The following SENP6 variants were observed in gnomAD, a reference collection of about 807,000 sequenced individuals.
SENP6 encodes sentrin-specific protease 6.
In SENP6, 41 loss-of-function variants were observed where a neutral mutation model predicts 134.5. The observed-to-expected ratio is 0.30, with a 90% confidence interval of 0.24 to 0.40. The LOEUF is 0.40. Among genes scored for constraint, SENP6 ranks in the 10% least tolerant of loss-of-function variants. The probability of loss-of-function intolerance (pLI) is 1.00; values close to 1 mark genes in which losing one functional copy is unlikely to be tolerated. For missense variants in SENP6, 1,248 were observed against 1,312.5 expected (o/e 0.95, Z 0.76); for synonymous variants, 395 against 429.8 (o/e 0.92, Z 1.00).
At chr6:75,609,691 A>C (rs1767297774) in intron 1 of SENP6, among the ~76,000 whole-genome samples, 1 of 152,260 alleles carries the variant, frequency 6.6e-6, no homozygotes, top group Admixed American at 6.5e-5. Context: ...AAGAAAGACA[A>C]AACAAAATGG....
chr6:75,638,680 C>G (rs1437359689), intron 5 of SENP6, among the ~76,000 whole-genome samples: 1 of 119,666 alleles, frequency 8.4e-6, no homozygotes, highest in African/African-American at 3.2e-5. Context: ...ACTCCCTTGG[C>G]TTATTGGGAA....
chr6:75,677,111 A>G lies in SENP6; in HGVS notation c.1703A>G (p.Asn568Ser), dbSNP rs1320613680. Residue 568 changes from asparagine to serine, a missense_variant, in exon 14 of 24, where the codon AAT (asparagine) becomes AGT (serine). Asn to Ser is a conservative substitution (Grantham distance 46). Around this residue, in one of 3 missense-constraint regions of SENP6, gnomAD observed 733 missense variants for 725.4 expected, o/e 1.01. Coordinates refer to ENST00000447266, the MANE Select transcript of SENP6 (RefSeq NM_015571.4). ...PANMVFESII[N>S]EIGIKNNISN... ...AATATGGTATTTGAAAGTATCATTAATGAAATTGGTATAAAGAATAACATC... is the reference window on the plus strand; with the variant it reads ...AATATGGTATTTGAAAGTATCATTAGTGAAATTGGTATAAAGAATAACATC... The G allele has an allele frequency of 1.2e-6, 2 of 1,609,434 alleles. No individual in the cohort carries two copies. The highest frequency in any genetic ancestry group is 2.7e-5 in the African/African-American group (2 of 74,848).
intron 1 of SENP6, among the ~76,000 whole-genome samples, chr6:75,614,269 T>C (rs531883803): frequency 6.6e-6 from 1 of 151,478 alleles, no homozygotes; most frequent in Non-Finnish European, 1.5e-5. Flanking sequence ...TCTTTTTTTT[T>C]TTTTTTTTTT....
At chr6:75,625,866 C>T (rs1323521136) in intron 3 of SENP6, among the ~76,000 whole-genome samples, 1 of 152,078 alleles carries the variant, frequency 6.6e-6, no homozygotes, top group African/African-American at 2.4e-5. Context: ...GAGACTCAGT[C>T]TCCAAACAAA....
At chr6:75,705,925 C>CTTTTTTTTTTTTTTT (rs71544062) in intron 19 of SENP6, among the ~76,000 whole-genome samples, 2 of 47,942 alleles carry the variant, frequency 4.2e-5, no homozygotes, top group Non-Finnish European at 7.0e-5. Flanking sequence ...ATTTTTGAGC[C>CTTTTTTTTTTTTTTT]TTTTTTTTTT....
rs373667868 is a variant in SENP6, at chr6:75,659,335, A to G, written c.624A>G (p.Lys208=). The G allele has an allele frequency of 4.3e-4, 696 of 1,609,922 alleles. 1 individual carries two copies. Among genetic ancestry groups the G allele is most frequent in the Non-Finnish European group, 4.9e-4 (572 of 1,176,500 alleles). The stretch of plus-strand genomic sequence containing the variant: ...AAATTAAGAGGAAAGTACAACAGAA[A>G]CGACACTGTAGTACCTATCAGCCTA... ...EPEIKRKVQQ[K]RHCSTYQPTP... Residue 208 remains lysine, a synonymous_variant, in exon 8 of 24, where the codon AAA becomes AAG. Coordinates refer to ENST00000447266, the MANE Select transcript of SENP6 (RefSeq NM_015571.4).
Position 75,666,817 on chromosome 6 carries a change from C to G in SENP6, c.1100C>G (p.Thr367Ser), listed in dbSNP as rs1425191606. 1 of 1,613,782 alleles carries G rather than the reference C, an allele frequency of 6.2e-7. No homozygotes were observed. The highest frequency in any genetic ancestry group is 8.5e-7 in the Non-Finnish European group (1 of 1,179,686). Residue 367 changes from threonine (T) to serine (S), a missense_variant, in exon 10 of 24, where the codon ACT becomes AGT. This residue lies in a region of SENP6 where 733 missense variants were observed against 725.4 expected (regional missense o/e 1.01). Coordinates refer to ENST00000447266, the MANE Select transcript of SENP6 (RefSeq NM_015571.4). ...GCATGTTCTTCCCCTGCACCATCCA[C>G]TGGAAAAGTAGAAGCAGCGCTAAAT... ...DSACSSPAPS[T>S]GKVEAALNEN... is the part of the protein sequence containing the mutation.
At chr6:75,638,722 G>C (rs923760972) in intron 5 of SENP6, among the ~76,000 whole-genome samples, 17 of 136,346 alleles carry the variant, frequency 1.2e-4, no homozygotes, top group African/African-American at 4.7e-4. Flanking sequence ...TTCTACCTCT[G>C]TTTTTCTACC....
chr6:75,661,212 C>A (rs760620006), intron 8 of SENP6, among the ~76,000 whole-genome samples: 19 of 152,204 alleles, frequency 1.2e-4, no homozygotes, highest in Non-Finnish European at 2.5e-4. Context: ...TCCCACGTTG[C>A]ATGTTTGTAA....
At chr6:75,675,506 C>T in intron 12 of SENP6, 38 bp downstream of exon 12, 1 of 1,271,416 alleles carries the variant, frequency 7.9e-7, no homozygotes, top group Non-Finnish European at 1.1e-6. Context: ...CCAAAGCTTT[C>T]TTTACACCAA....
rs1775371821 is a variant in SENP6 at position 75,705,925 on chromosome 6, C to CGTTTT, written c.2716+2853_2716+2854insGTTTT. On this transcript the variant is annotated intron_variant, in intron 19 of 23. Coordinates refer to ENST00000447266, the MANE Select transcript of SENP6 (RefSeq NM_015571.4). ...GTGAGTTAGAAAGCTATTTTTGAGC[C>CGTTTT]TTTTTTTTTTTTTTTTTTTTTTTTT... Among the ~76,000 whole-genome samples the CGTTTT allele has an allele frequency of 1.3e-4, 6 of 47,974 alleles. 1 individual carries two copies. Among genetic ancestry groups the CGTTTT allele is most frequent in the African/African-American group, 6.5e-4 (6 of 9,296 alleles). The allele number at this position is 47,974 out of a possible 152,430, so 31.5% of individuals were successfully genotyped here.
At chr6:75,622,747 G>A in intron 2 of SENP6, 1 of 1,271,292 alleles carries the variant, frequency 7.9e-7, no homozygotes, top group Non-Finnish European at 1.0e-6. Flanking sequence ...GCTAAATATT[G>A]TAGGTGCTTC....
chr6:75,636,270 TA>T (rs1322069976), intron 5 of SENP6, among the ~76,000 whole-genome samples: 3 of 152,138 alleles, frequency 2.0e-5, no homozygotes, highest in African/African-American at 7.2e-5. Flanking sequence ...TCTTAATGAT[TA>T]GGGGCAGCAA....
Position 75,655,526 on chromosome 6 carries a change from T to C in SENP6, c.551-3736T>C, listed in dbSNP as rs72654732. Among the ~76,000 whole-genome samples the C allele has an allele frequency of 0.011, 1,609 of 152,268 alleles. 61 individuals are homozygous for C. The East Asian group carries it at 0.14, about 13-fold the overall frequency. On this transcript the variant is annotated intron_variant, in intron 7 of 23. Transcript: ENST00000447266. ...TCCTAGCATAGATTAATTTTACCTG[T>C]TCTAGGACTTCATGTAAATGGAGTA...
chr6:75,711,863 G>C (rs1562080003), intron 21 of SENP6, among the ~76,000 whole-genome samples: 1 of 152,106 alleles, frequency 6.6e-6, no homozygotes, highest in African/African-American at 2.4e-5. Flanking sequence ...AGTAGAGATG[G>C]GGTTTTGCCA....
rs764511805 is a variant in SENP6 at position 75,670,570 on chromosome 6, C to T, written c.1242C>T (p.Ile414=). The T allele has an allele frequency of 6.2e-7, 1 of 1,607,712 alleles. No homozygotes were observed. The highest frequency in any genetic ancestry group is 1.1e-5 in the South Asian group (1 of 90,318). Residue 414 remains isoleucine (I), a synonymous_variant, in exon 11 of 24, where the codon ATC becomes ATT. Coordinates refer to ENST00000447266, the MANE Select transcript of SENP6 (RefSeq NM_015571.4). ...RMKDQFGNSI[I]NTPLKRRKVF... ...CTTTTTAGTTTGGCAATTCTATTAT[C>T]AACACACCTCTGAAACGTCGTAAAG... is the stretch of plus-strand genomic sequence containing the variant.
At chr6:75,605,339 TTCTG>T (rs1766951255) in intron 1 of SENP6, among the ~76,000 whole-genome samples, 1 of 152,212 alleles carries the variant, frequency 6.6e-6, no homozygotes, top group African/African-American at 2.4e-5. Flanking sequence ...TTATTTAGTC[TTCTG>T]TCTTAGGTTC....
At chr6:75,713,467 T>G (rs1029681953) in intron 21 of SENP6, 46 bp from the exon 22 acceptor site, 2 of 1,430,024 alleles carry the variant, frequency 1.4e-6, no homozygotes, top group Non-Finnish European at 1.9e-6. Flanking sequence ...TTTATGCATT[T>G]GTAATATTAT....
At chr6:75,638,618 ATATATTTTTTTTT>A (rs1260523054) in intron 5 of SENP6, among the ~76,000 whole-genome samples, 66 of 34,460 alleles carry the variant, frequency 1.9e-3, no homozygotes, top group Admixed American at 3.8e-3. Flanking sequence ...ATATATATAT[ATATATTTTTTTTT>A]TTTTTTTTTT....
Sources: allele counts gnomAD v4.1 joint callset (sites outside exome capture counted in the v4.1 genomes callset), GRCh38; gene constraint gnomAD v4.1.1; regional missense constraint gnomAD v4.1.1; transcripts MANE v1.5; gene names NCBI Gene and HGNC (gene_info 2026-07-23, HGNC 2026-07-21).